SEPTIN7: variants seen among roughly 807,000 people sequenced by gnomAD.
The protein encoded by SEPTIN7 is septin 7.
SEPTIN7 carries 10 observed loss-of-function variants against 63.3 expected under a neutral mutation model. That is an observed-to-expected ratio of 0.16 (90% CI 0.10 to 0.27). SEPTIN7 has a LOEUF of 0.27. Ranked by LOEUF, SEPTIN7 falls within the 10% of genes least tolerant of loss-of-function variation. The pLI is 1.00. For missense variants in SEPTIN7, 310 were observed against 521.0 expected (o/e 0.59, Z 3.94); for synonymous variants, 131 against 165.3 (o/e 0.79, Z 1.59).
chr7:35,894,125 C>CTT (rs35271815), intron 11 of SEPTIN7, among the ~76,000 whole-genome samples: 4 of 135,334 alleles, frequency 3.0e-5, no homozygotes, highest in African/African-American at 1.1e-4. Flanking sequence ...GGAGGGCCGT[C>CTT]TTTTTTTTTT....
At chr7:35,807,718 G>A (rs746302939) in intron 1 of SEPTIN7, among the ~76,000 whole-genome samples, 3 of 150,610 alleles carry the variant, frequency 2.0e-5, no homozygotes, top group African/African-American at 7.3e-5. Flanking sequence ...GGCTGGTCTC[G>A]AACTCTCGAC....
At chr7:35,861,798 C>T (rs770393206) in intron 3 of SEPTIN7, among the ~76,000 whole-genome samples, 22 of 152,200 alleles carry the variant, frequency 1.4e-4, no homozygotes, top group Admixed American at 7.2e-4. Context: ...TAGGTCTGCA[C>T]TCTTGCCGCT....
intron 3 of SEPTIN7, among the ~76,000 whole-genome samples, chr7:35,853,357 C>T (rs947405385): frequency 6.6e-6 from 1 of 152,108 alleles, no homozygotes; most frequent in Non-Finnish European, 1.5e-5. Flanking sequence ...GCCCAGCAGG[C>T]AGAAATTGCA....
chr7:35,885,784 G>T (rs1243823409), intron 9 of SEPTIN7, 44 bp from the exon 10 acceptor site: 2 of 1,462,262 alleles, frequency 1.4e-6, no homozygotes, highest in Non-Finnish European at 9.5e-7. Context: ...AAAAGACTAG[G>T]TTTAGTGGAA....
Position 35,884,357 on chromosome 7 carries a change from A to C in SEPTIN7, c.820+370A>C, listed in dbSNP as rs184875631. Reference sequence around the variant, plus strand: ...TGGATTTTTGGATTAAGGATGCTCGACCAGTAAGTATAGCACAGATATTCC... The same window carrying C: ...TGGATTTTTGGATTAAGGATGCTCGCCCAGTAAGTATAGCACAGATATTCC... On this transcript the variant is annotated intron_variant, in intron 9 of 13. Transcript: ENST00000350320. Among the ~76,000 whole-genome samples the C allele has an allele frequency of 8.5e-5, 13 of 152,316 alleles. No homozygotes were observed. In the East Asian group the frequency reaches 2.5e-3, roughly 29 times the overall value.
chr7:35,804,318 T>C (rs1788189030), intron 1 of SEPTIN7, among the ~76,000 whole-genome samples: 1 of 152,194 alleles, frequency 6.6e-6, no homozygotes, highest in Admixed American at 6.5e-5. Context: ...ATCTTTTCTT[T>C]GTTTTTGTCT....
At chr7:35,915,414 G>A in the SEPTIN7 span, among the ~76,000 whole-genome samples, 8 of 152,150 alleles carry the variant, frequency 5.3e-5, no homozygotes, top group African/African-American at 1.7e-4. Context: ...GAAAACTTAC[G>A]CAAGCATTAA....
At chr7:35,812,631 G>T (rs1250010490) in intron 1 of SEPTIN7, among the ~76,000 whole-genome samples, 1 of 152,046 alleles carries the variant, frequency 6.6e-6, no homozygotes, top group African/African-American at 2.4e-5. Flanking sequence ...AGTTCTGGTT[G>T]GTGGGTAGTG....
At chr7:35,893,449 A>G (rs1787769483) in intron 11 of SEPTIN7, among the ~76,000 whole-genome samples, 1 of 152,178 alleles carries the variant, frequency 6.6e-6, no homozygotes, top group Non-Finnish European at 1.5e-5. Context: ...GTGCCACATA[A>G]TGATGTTTCA....
In SEPTIN7 at chr7:35,829,128, C is replaced by CTTTTTTTTTTTTTTTTTT; in HGVS notation, c.62-2357_62-2340dup. On this transcript the variant is annotated intron_variant, in intron 1 of 13. Coordinates refer to ENST00000350320, the MANE Select transcript of SEPTIN7 (RefSeq NM_001788.6). ...CACTTCATTATAGTTCATGGACCTT[C>CTTTTTTTTTTTTTTTTTT]TTTTTTTTTTTTTTTTTTTTTTTTG... Among the ~76,000 whole-genome samples the CTTTTTTTTTTTTTTTTTT allele has an allele frequency of 1.6e-3, 97 of 61,072 alleles. 17 individuals are homozygous for CTTTTTTTTTTTTTTTTTT. The highest frequency in any genetic ancestry group is 2.5e-3 in the Non-Finnish European group (85 of 34,548). The allele number at this position is 61,072 out of a possible 152,430, so 40.1% of individuals were successfully genotyped here. A position where few individuals can be genotyped will look rare whatever the true frequency, so the allele number is the denominator to read the frequency against.
intron 3 of SEPTIN7, chr7:35,847,260 T>G (rs557439365): frequency 1.3e-5 from 2 of 157,748 alleles, no homozygotes; most frequent in African/African-American, 4.8e-5. Context: ...TCGAGCCCAC[T>G]GCTCCAGGGA....
intron 1 of SEPTIN7, among the ~76,000 whole-genome samples, chr7:35,825,863 TC>T (rs1217358336): frequency 6.6e-6 from 1 of 152,114 alleles, no homozygotes; most frequent in Non-Finnish European, 1.5e-5. Flanking sequence ...AATATTAGAA[TC>T]TTTTTAACAG....
intron 1 of SEPTIN7, among the ~76,000 whole-genome samples, chr7:35,824,548 A>G (rs2115823507): frequency 6.6e-6 from 1 of 152,304 alleles, no homozygotes; most frequent in Non-Finnish European, 1.5e-5. Context: ...CCTACTAGAC[A>G]TTGTCTTCCC....
chr7:35,873,833 A>G, intron 6 of SEPTIN7, 58 bp downstream of exon 6: 1 of 1,496,930 alleles, frequency 6.7e-7, no homozygotes, highest in South Asian at 1.2e-5. Context: ...TGTTACCTTT[A>G]TGTGCATACT....
At chr7:35,855,186 G>A (rs1373510711) in intron 3 of SEPTIN7, among the ~76,000 whole-genome samples, 3 of 152,036 alleles carry the variant, frequency 2.0e-5, no homozygotes, top group African/African-American at 7.2e-5. Flanking sequence ...CTGTGAATGT[G>A]TTTTCCCTAT....
chr7:35,882,920 A>G (rs1035926053), intron 8 of SEPTIN7, among the ~76,000 whole-genome samples: 1 of 152,056 alleles, frequency 6.6e-6, no homozygotes, highest in African/African-American at 2.4e-5. Flanking sequence ...AAATGTATTT[A>G]TTTTGTCTCT....
At chr7:35,819,952 C>A (rs1789313428) in intron 1 of SEPTIN7, among the ~76,000 whole-genome samples, 1 of 151,010 alleles carries the variant, frequency 6.6e-6, no homozygotes, top group South Asian at 2.1e-4. Flanking sequence ...ATGATTTACA[C>A]CTGTAATTTT....
chr7:35,887,003 C>G (rs1020650901), intron 10 of SEPTIN7, among the ~76,000 whole-genome samples: 1 of 152,182 alleles, frequency 6.6e-6, no homozygotes, highest in African/African-American at 2.4e-5. Flanking sequence ...GTTGCCAGGC[C>G]TCACTTAGTG....
chr7:35,832,993 A>G, intron 3 of SEPTIN7, 93 bp downstream of exon 3: 1 of 725,424 alleles, frequency 1.4e-6, no homozygotes, highest in South Asian at 1.6e-5. Context: ...TGGCACAGAT[A>G]TCTACAGTGA....
Sources: allele counts gnomAD v4.1 joint callset (sites outside exome capture counted in the v4.1 genomes callset), GRCh38; gene constraint gnomAD v4.1.1; transcripts MANE v1.5; gene names NCBI Gene and HGNC (gene_info 2026-07-23, HGNC 2026-07-21).